Variants in AKT3 observed in about 807,000 individuals in gnomAD.
The protein encoded by AKT3 is RAC-gamma serine/threonine-protein kinase.
Under a neutral mutation model 65.3 loss-of-function variants are expected in AKT3, and 15 were observed. The ratio of observed to expected loss-of-function variants is 0.23; its 90% CI spans 0.15 to 0.35. The LOEUF is 0.35. AKT3 is among the 10% of genes least tolerant of loss of function. The probability of loss-of-function intolerance (pLI) is 1.00; values close to 1 mark genes in which losing one functional copy is unlikely to be tolerated. For synonymous variants in AKT3, 206 were observed against 183.8 expected, an observed-to-expected ratio of 1.12 and a Z score of -0.98; for missense variants, 243 against 576.5, an observed-to-expected ratio of 0.42 and a Z score of 5.92.
At chr1:243,789,393 A>C (rs1249799154) in intron 2 of AKT3, among the ~76,000 whole-genome samples, 2 of 152,200 alleles carry the variant, frequency 1.3e-5, no homozygotes, top group Non-Finnish European at 2.9e-5. Context: ...TCTTTAAAAA[A>C]ATCTTTTTAA....
At chr1:243,628,091 A>G (rs1436609093) in intron 6 of AKT3, among the ~76,000 whole-genome samples, 1 of 152,196 alleles carries the variant, frequency 6.6e-6, no homozygotes, top group Non-Finnish European at 1.5e-5. Flanking sequence ...AGAACACATC[A>G]TTAGAGAGAC....
chr1:243,736,546 A>G (rs561351954), intron 2 of AKT3, among the ~76,000 whole-genome samples: 17 of 152,332 alleles, frequency 1.1e-4, no homozygotes, highest in African/African-American at 3.4e-4. Flanking sequence ...ATAAAGGTTT[A>G]AAAGTCAGAA....
At chr1:243,712,464 G>C (rs1438464905) in intron 2 of AKT3, among the ~76,000 whole-genome samples, 12 of 152,114 alleles carry the variant, frequency 7.9e-5, no homozygotes. Flanking sequence ...ATTTCTGCTT[G>C]ATAATTATGC....
intron 1 of AKT3, among the ~76,000 whole-genome samples, 169 bp downstream of exon 1, chr1:243,849,871 G>GC (rs1420824660): frequency 6.6e-6 from 1 of 151,550 alleles, no homozygotes; most frequent in East Asian, 2.0e-4. Context: ...CGGTGACCCA[G>GC]CCCCCGCCCA....
At chr1:243,658,581 G>A (rs1349741911) in intron 4 of AKT3, among the ~76,000 whole-genome samples, 1 of 152,150 alleles carries the variant, frequency 6.6e-6, no homozygotes, top group Non-Finnish European at 1.5e-5. Flanking sequence ...AAACTTAAAA[G>A]TAGAACTACC....
At chr1:243,695,482 T>C in intron 3 of AKT3, 109 bp downstream of exon 3, 1 of 1,061,334 alleles carries the variant, frequency 9.4e-7, no homozygotes, top group Non-Finnish European at 1.3e-6. Context: ...CTCTATTAAA[T>C]ATAAACCCAA....
rs74162293 is a variant in AKT3 at position 243,583,170 on chromosome 1, G to GTATA, written c.697-10126_697-10123dup. ...CTCTCTCTTCCATGTATATGTGTGT[G>GTATA]TATATATATATATATATATATATAT... On this transcript the variant is annotated intron_variant, in intron 8 of 13. Transcript: ENST00000673466. Among the ~76,000 whole-genome samples, 318 of 118,562 alleles carry GTATA rather than the reference G, an allele frequency of 2.7e-3. 2 individuals carry two copies. The highest frequency in any genetic ancestry group is 9.8e-3 in the African/African-American group (288 of 29,528). 77.8% of individuals were successfully genotyped at this position (118,562 alleles called of 152,430 possible).
intron 9 of AKT3, among the ~76,000 whole-genome samples, chr1:243,566,341 A>C (rs528578785): frequency 1.3e-5 from 2 of 152,120 alleles, no homozygotes; most frequent in South Asian, 4.1e-4. Flanking sequence ...AGGGTGACCA[A>C]CTCCCAGTTT....
Position 243,534,154 on chromosome 1 carries a change from A to G in AKT3, c.1251+11356T>C, listed in dbSNP as rs574810528. On this transcript the variant is annotated intron_variant, in intron 12 of 13. Transcript: ENST00000673466. ...GGTCTACAAGAAACCCACTTTAAAT[A>G]TAAAGACACTGATAGATTAAAAGTA... 1.6e-3 allele frequency among the ~76,000 whole-genome samples: 239 copies of G among 152,352 alleles called. 1 individual carries two copies. Among genetic ancestry groups the G allele is most frequent in the Non-Finnish European group, 2.8e-3 (189 of 68,024 alleles).
At chr1:243,803,131 C>A (rs1558825383) in intron 2 of AKT3, among the ~76,000 whole-genome samples, 3 of 152,106 alleles carry the variant, frequency 2.0e-5, no homozygotes, top group Admixed American at 6.6e-5. Flanking sequence ...CAGAGTGAGA[C>A]CCTGTCTCAA....
chr1:243,654,462 A>ATAATAAT (rs1681613614), intron 4 of AKT3, among the ~76,000 whole-genome samples: 2 of 152,144 alleles, frequency 1.3e-5, no homozygotes, highest in African/African-American at 4.8e-5. Context: ...TAGGTGTGCT[A>ATAATAAT]GTGACAAATC....
chr1:243,807,932 T>C (rs893601071), intron 2 of AKT3, among the ~76,000 whole-genome samples: 6 of 152,216 alleles, frequency 3.9e-5, no homozygotes, highest in Non-Finnish European at 8.8e-5. Flanking sequence ...GTGTCTGAAG[T>C]GGACCTCCAG....
At chr1:243,576,705 AC>A (rs1227757626) in intron 8 of AKT3, among the ~76,000 whole-genome samples, 1 of 152,204 alleles carries the variant, frequency 6.6e-6, no homozygotes, top group African/African-American at 2.4e-5. Flanking sequence ...ACTACAAACT[AC>A]GGCTCAAGGA....
chr1:243,813,173 A>G (rs1693288295), intron 2 of AKT3, among the ~76,000 whole-genome samples: 1 of 152,194 alleles, frequency 6.6e-6, no homozygotes, highest in Admixed American at 6.5e-5. Flanking sequence ...AACTTAAAGT[A>G]TAAAAAAAAA....
chr1:243,801,097 T>A (rs1393905001), intron 2 of AKT3, among the ~76,000 whole-genome samples: 1 of 152,204 alleles, frequency 6.6e-6, no homozygotes, highest in Non-Finnish European at 1.5e-5. Context: ...AAACTAGTCT[T>A]ATTTTGCAGC....
intron 8 of AKT3, among the ~76,000 whole-genome samples, chr1:243,606,085 C>G (rs917600099): frequency 2.6e-5 from 4 of 152,312 alleles, no homozygotes; most frequent in African/African-American, 9.6e-5. Context: ...CCCTGCAGAA[C>G]TGAGTCAATT....
In AKT3 at chr1:243,504,339, C is replaced by T. The variant is rs1199078184; in HGVS notation, c.*910G>A. On this transcript the variant is annotated 3_prime_UTR_variant, in exon 14 of 14. Coordinates refer to ENST00000673466, the MANE Select transcript of AKT3 (RefSeq NM_005465.7). ...AGTAAAAAATTAAATAAGGCAAACA[C>T]CTGTTTACCTTGGTGTAGAAATTTT... The T allele has an allele frequency of 9.9e-6, 2 of 202,248 alleles. No homozygotes were observed. Among genetic ancestry groups the T allele is most frequent in the Admixed American group, 6.0e-5 (1 of 16,660 alleles). The allele number at this position is 202,248 out of a possible 1,614,324, so 12.5% of individuals were successfully genotyped here.
At chr1:243,811,845 C>G (rs1693180304) in intron 2 of AKT3, among the ~76,000 whole-genome samples, 1 of 152,102 alleles carries the variant, frequency 6.6e-6, no homozygotes, top group African/African-American at 2.4e-5. Flanking sequence ...TGGAACAGAA[C>G]AGAGCCCTCA....
chr1:243,702,638 G>A (rs1424615565), intron 2 of AKT3, among the ~76,000 whole-genome samples: 1 of 152,068 alleles, frequency 6.6e-6, no homozygotes, highest in Non-Finnish European at 1.5e-5. Flanking sequence ...AATCAGTACT[G>A]CACTTATTCA....
Sources: gnomAD v4.1 joint callset for allele counts (sites outside exome capture counted in the v4.1 genomes callset) on GRCh38, gnomAD v4.1.1 for gene constraint, MANE v1.5 for transcripts, NCBI Gene and HGNC (gene_info 2026-07-23, HGNC 2026-07-21) for gene names.